TLN2: variants seen among roughly 807,000 people sequenced by gnomAD.
TLN2 encodes the protein talin 2.
In TLN2, 118 loss-of-function variants were observed where a neutral mutation model predicts 294.7. The ratio of observed to expected loss-of-function variants is 0.40; its 90% confidence interval spans 0.34 to 0.47. TLN2 has a LOEUF of 0.47. TLN2 is among the 20% of genes least tolerant of loss of function. The pLI is 0.84. For synonymous variants in TLN2, 1,431 were observed against 1,304.5 expected (o/e 1.10, Z -2.09); for missense variants, 3,083 against 3,282.2 (o/e 0.94, Z 1.48).
chr15:62,692,219 G>A lies in TLN2; in HGVS notation c.1114-621G>A, dbSNP rs1595680445. Reference sequence around the variant, plus strand: ...TCCCTGGGCTACCTGCTATTGCTGGGTGACCTTCGTTGCAGGAAGCAGAGG... The same window carrying A: ...TCCCTGGGCTACCTGCTATTGCTGGATGACCTTCGTTGCAGGAAGCAGAGG... On this transcript the variant is annotated intron_variant, in intron 12 of 58. Transcript: ENST00000636159. 1.3e-5 allele frequency among the ~76,000 whole-genome samples: 2 copies of A among 152,090 alleles called. 1 individual carries two copies. The highest frequency in any genetic ancestry group is 3.8e-4 in the East Asian group (2 of 5,204).
intron 1 of TLN2, among the ~76,000 whole-genome samples, chr15:62,430,498 C>T (rs746300698): frequency 5.9e-5 from 9 of 152,186 alleles, no homozygotes; most frequent in Middle Eastern, 3.4e-3. Flanking sequence ...GGATTATTTG[C>T]GAGGTAGCAA....
In TLN2 at chr15:62,697,697, C is replaced by G. The variant is rs368512872; in HGVS notation, c.1302C>G (p.Ile434Met). ...CCACTTTTCCCGGCAGGTCCACCATCTTGCAGCAGCAGTTCAACCGGACCG... is the reference window on the plus strand; with the variant it reads ...CCACTTTTCCCGGCAGGTCCACCATGTTGCAGCAGCAGTTCAACCGGACCG... ...EESVSPKKSTILQQQFNRTGK... is the reference protein window; with the variant it reads ...EESVSPKKSTMLQQQFNRTGK... Residue 434 changes from isoleucine (I) to methionine (M), a missense_variant, in exon 15 of 59, where the codon ATC (isoleucine) becomes ATG (methionine). By Grantham distance (10) the Ile-to-Met change is conservative. Transcript: ENST00000636159. The G allele has an allele frequency of 6.2e-5, 99 of 1,597,974 alleles. 1 individual carries two copies. The highest frequency in any genetic ancestry group is 8.2e-5 in the Non-Finnish European group (96 of 1,168,334).
chr15:62,608,103 C>A (rs1307751114), intron 2 of TLN2, among the ~76,000 whole-genome samples: 1 of 152,126 alleles, frequency 6.6e-6, no homozygotes, highest in Non-Finnish European at 1.5e-5. Context: ...CATCCCCCCA[C>A]CCCACCCCTG....
intron 7 of TLN2, among the ~76,000 whole-genome samples, chr15:62,654,869 T>A (rs1351679748): frequency 6.6e-6 from 1 of 150,746 alleles, no homozygotes; most frequent in Non-Finnish European, 1.5e-5. Context: ...CATGTGTCCC[T>A]AAAGCCCATG....
intron 40 of TLN2, among the ~76,000 whole-genome samples, chr15:62,764,406 G>T (rs923534051): frequency 2.6e-5 from 4 of 152,030 alleles, no homozygotes; most frequent in African/African-American, 9.7e-5. Context: ...TCCTGCCACT[G>T]AATTCATTAA....
chr15:62,722,200 T>A (rs897992687), intron 25 of TLN2, among the ~76,000 whole-genome samples, 153 bp from the exon 26 acceptor site: 2 of 152,134 alleles, frequency 1.3e-5, no homozygotes, highest in Non-Finnish European at 2.9e-5. Context: ...TGGCTTGAGG[T>A]GGCAGTTTGG....
At chr15:62,395,832 T>TTTTTTA (rs914482184) in intron 1 of TLN2, among the ~76,000 whole-genome samples, 6 of 152,134 alleles carry the variant, frequency 3.9e-5, no homozygotes, top group Non-Finnish European at 7.3e-5. Flanking sequence ...GTATTTCTGA[T>TTTTTTA]TTTTTATTTT....
intron 44 of TLN2, among the ~76,000 whole-genome samples, chr15:62,783,462 C>T (rs1005385455): frequency 2.0e-5 from 3 of 152,224 alleles, no homozygotes; most frequent in Non-Finnish European, 4.4e-5. Context: ...GAGGGTGGGC[C>T]CTGGGCACTG....
intron 9 of TLN2, among the ~76,000 whole-genome samples, chr15:62,673,183 C>T (rs1385686578): frequency 6.6e-6 from 1 of 151,220 alleles, no homozygotes; most frequent in Non-Finnish European, 1.5e-5. Flanking sequence ...TTATTTTGCC[C>T]ATAATATCTT....
intron 1 of TLN2, among the ~76,000 whole-genome samples, chr15:62,394,717 G>T (rs2140224407): frequency 6.6e-6 from 1 of 152,300 alleles, no homozygotes; most frequent in South Asian, 2.1e-4. Flanking sequence ...CAGGGTGGAG[G>T]AGGGGAAGAT....
At chr15:62,543,121 G>T (rs2041793794) in intron 1 of TLN2, among the ~76,000 whole-genome samples, 1 of 152,170 alleles carries the variant, frequency 6.6e-6, no homozygotes, top group South Asian at 2.1e-4. Flanking sequence ...GCTAGGATGG[G>T]CATGTATTGC....
Position 62,528,550 on chromosome 15 carries a change from G to T in TLN2, c.-237-61137G>T, listed in dbSNP as rs565938064. 3.9e-4 allele frequency among the ~76,000 whole-genome samples: 60 copies of T among 152,236 alleles called. 1 individual carries two copies. The South Asian group carries it at 0.012, about 31-fold the overall frequency. On this transcript the variant is annotated intron_variant, in intron 1 of 58. Transcript: ENST00000636159. ...GGGCCAGATCTGAGAATGAGCAAGG[G>T]TACTCAAGAGACAGAAGGTGCCAGG... is the stretch of plus-strand genomic sequence containing the variant.
intron 1 of TLN2, among the ~76,000 whole-genome samples, chr15:62,528,483 A>G (rs916339252): frequency 6.6e-6 from 1 of 152,096 alleles, no homozygotes; most frequent in African/African-American, 2.4e-5. Flanking sequence ...TCCAGACTCT[A>G]TGTCTGCGAC....
At chr15:62,542,456 C>CT (rs918278467) in intron 1 of TLN2, among the ~76,000 whole-genome samples, 1 of 152,208 alleles carries the variant, frequency 6.6e-6, no homozygotes, top group African/African-American at 2.4e-5. Context: ...TCCCAAAGTG[C>CT]TGGGATTACA....
chr15:62,838,994 A>ATCAAGAATAGTAT lies in TLN2; in HGVS notation c.7500+15_7500+27dup, dbSNP rs890786067. 1 of 1,613,512 alleles carries ATCAAGAATAGTAT rather than the reference A, an allele frequency of 6.2e-7. No individual in the cohort carries two copies. The highest frequency in any genetic ancestry group is 1.7e-5 in the Admixed American group (1 of 59,932). On this transcript the variant is annotated intron_variant, in intron 58 of 58. Coordinates refer to ENST00000636159, the MANE Select transcript of TLN2 (RefSeq NM_015059.3). ...GGGCATTGCTCAGGTTTGTAATTAA[A>ATCAAGAATAGTAT]TCAAGAATAGTATTTACTTCCCGAG...
intron 1 of TLN2, among the ~76,000 whole-genome samples, chr15:62,529,104 T>TTTG (rs1555423736): frequency 1.1e-4 from 16 of 151,360 alleles, no homozygotes; most frequent in African/African-American, 2.4e-4. Context: ...CTTTTTTTTT[T>TTTG]TGTGTGTGTG....
intron 1 of TLN2, among the ~76,000 whole-genome samples, chr15:62,587,584 C>A (rs374327619): frequency 6.6e-6 from 1 of 152,184 alleles, no homozygotes; most frequent in Non-Finnish European, 1.5e-5. Context: ...CTCAACATGT[C>A]TCATATCTGT....
Position 62,827,717 on chromosome 15 carries a change from G to C in TLN2, c.7003-5787G>C, listed in dbSNP as rs142593151. ...ATTGGAATTATGGATACATAACAGG[G>C]TTTAGACAGAGAAACAGATTAATTT... is the stretch of plus-strand genomic sequence containing the variant. On this transcript the variant is annotated intron_variant, in intron 54 of 58. Coordinates refer to ENST00000636159, the MANE Select transcript of TLN2 (RefSeq NM_015059.3). The C allele has an allele frequency of 2.6e-5, 4 of 152,266 alleles. No homozygotes were observed. In the East Asian group the frequency reaches 7.7e-4, roughly 29 times the overall value. The allele number at this position is 152,266 out of a possible 1,614,324, so 9.4% of individuals were successfully genotyped here.
intron 1 of TLN2, among the ~76,000 whole-genome samples, chr15:62,399,254 A>G (rs1360935326): frequency 7.1e-6 from 1 of 140,670 alleles, no homozygotes; most frequent in African/African-American, 2.6e-5. Flanking sequence ...CTCCGTCTCA[A>G]ACAAAAAAAA....
Sources: allele counts gnomAD v4.1 joint callset (sites outside exome capture counted in the v4.1 genomes callset), GRCh38; gene constraint gnomAD v4.1.1; transcripts MANE v1.5; gene names NCBI Gene and HGNC (gene_info 2026-07-23, HGNC 2026-07-21).